The following LSAMP variants were observed in gnomAD, a reference collection of about 807,000 sequenced individuals.
LSAMP encodes limbic system associated membrane protein.
A neutral mutation model predicts 38.6 loss-of-function variants in LSAMP; 7 were observed. The ratio of observed to expected loss-of-function variants is 0.18; its 90% CI spans 0.10 to 0.34. The LOEUF (loss-of-function observed/expected upper bound fraction) is 0.34, where lower values mean the gene tolerates loss of function less well. LSAMP is among the 10% of genes least tolerant of loss of function. LSAMP has a pLI of 1.00. For missense variants in LSAMP, 313 were observed against 420.0 expected, an observed-to-expected ratio of 0.75 and a Z score of 2.23; for synonymous variants, 154 against 166.8, an observed-to-expected ratio of 0.92 and a Z score of 0.59.
intron 3 of LSAMP, among the ~76,000 whole-genome samples, chr3:116,000,644 G>A (rs1413410265): frequency 1.3e-5 from 2 of 152,180 alleles, no homozygotes; most frequent in Non-Finnish European, 2.9e-5. Context: ...ATAACACATG[G>A]AGAAGGGGAG....
rs142242507 is a variant in LSAMP, at chr3:115,998,975, A to G, written c.514+20540T>C. Among the ~76,000 whole-genome samples the G allele has an allele frequency of 2.2e-3, 340 of 152,322 alleles. 2 individuals carry two copies. The highest frequency in any genetic ancestry group is 7.4e-3 in the African/African-American group (308 of 41,576). On this transcript the variant is annotated intron_variant, in intron 3 of 6. Coordinates refer to ENST00000490035, the MANE Select transcript of LSAMP (RefSeq NM_002338.5). ...ATTGAAATTCCTCCAGGGAGGAAGAATGAAAGACCCATGGTATCAATTTAA... is the reference window on the plus strand; with the variant it reads ...ATTGAAATTCCTCCAGGGAGGAAGAGTGAAAGACCCATGGTATCAATTTAA...
chr3:116,411,627 G>A (rs1200729591), intron 1 of LSAMP, among the ~76,000 whole-genome samples: 2 of 120,526 alleles, frequency 1.7e-5, no homozygotes, highest in Non-Finnish European at 1.7e-5. Flanking sequence ...GGACTGTTGT[G>A]GGGTGGGGGG....
Position 115,939,570 on chromosome 3 carries a change from T to TTC in LSAMP, c.514+79943_514+79944dup, listed in dbSNP as rs149902097. On this transcript the variant is annotated intron_variant, in intron 3 of 6. Coordinates refer to ENST00000490035, the MANE Select transcript of LSAMP (RefSeq NM_002338.5). ...TTTCTTTCTTTCTTTCTTTCTTTCT[T>TTC]TCTTTCTTTCTTTCTGTTAAGAGAC... 2.5e-3 allele frequency among the ~76,000 whole-genome samples: 340 copies of TTC among 136,884 alleles called. 3 individuals carry two copies. Among genetic ancestry groups the TTC allele is most frequent in the East Asian group, 0.013 (58 of 4,362 alleles). 89.8% of individuals were successfully genotyped at this position (136,884 alleles called of 152,430 possible). A position where few individuals can be genotyped will look rare whatever the true frequency, so the allele number is the denominator to read the frequency against.
chr3:115,883,806 T>G (rs1936382559), intron 3 of LSAMP, among the ~76,000 whole-genome samples: 1 of 151,996 alleles, frequency 6.6e-6, no homozygotes, highest in Non-Finnish European at 1.5e-5. Flanking sequence ...TGAATCAGGA[T>G]TTGGCACAGA....
At chr3:116,376,835 C>G (rs1344169174) in intron 1 of LSAMP, among the ~76,000 whole-genome samples, 1 of 152,014 alleles carries the variant, frequency 6.6e-6, no homozygotes, top group East Asian at 1.9e-4. Flanking sequence ...AAATCAGAAT[C>G]TTGTTCAATA....
At chr3:116,237,647 C>T (rs1346574611) in intron 1 of LSAMP, among the ~76,000 whole-genome samples, 5 of 138,670 alleles carry the variant, frequency 3.6e-5, no homozygotes, top group African/African-American at 1.3e-4. Context: ...TGAGTCCTCG[C>T]CATAAACCTT....
chr3:116,442,233 C>T (rs780846229), intron 1 of LSAMP, among the ~76,000 whole-genome samples: 17 of 152,146 alleles, frequency 1.1e-4, no homozygotes, highest in Admixed American at 2.6e-4. Context: ...TGGGGACAGA[C>T]AGCCAAACTC....
At position 116,159,710 on chromosome 3, in the gene LSAMP, G is replaced by A. The variant is rs182023988; in HGVS notation, c.156-73154C>T. 1.7e-4 allele frequency among the ~76,000 whole-genome samples: 26 copies of A among 152,104 alleles called. No homozygotes were observed. In the East Asian group the frequency reaches 1.7e-3, roughly 10 times the overall value. ...GTTTGGTGATTTTTCAAATAACTTA[G>A]ATCTACCATTATTGGATATACACAT... On this transcript the variant is annotated intron_variant, in intron 1 of 6. Coordinates refer to ENST00000490035, the MANE Select transcript of LSAMP (RefSeq NM_002338.5).
intron 6 of LSAMP, among the ~76,000 whole-genome samples, chr3:115,834,207 A>T (rs1934709441): frequency 6.6e-6 from 1 of 152,168 alleles, no homozygotes; most frequent in Non-Finnish European, 1.5e-5. Flanking sequence ...GTAGTCAGTC[A>T]GAGAATTGGT....
rs1941263143 is a variant in LSAMP at position 116,045,156 on chromosome 3, A to C, written c.389-25516T>G. On this transcript the variant is annotated intron_variant, in intron 2 of 6. Coordinates refer to ENST00000490035, the MANE Select transcript of LSAMP (RefSeq NM_002338.5). The stretch of plus-strand genomic sequence containing the variant: ...ATAAAGACAGTTATTGAAAATGTTC[A>C]AAAGGATCGTCTAACCTAAGCAAGA... Among the ~76,000 whole-genome samples the C allele has an allele frequency of 3.3e-5, 5 of 152,242 alleles. No homozygotes were observed. The South Asian group carries it at 1.0e-3, about 31-fold the overall frequency.
intron 2 of LSAMP, among the ~76,000 whole-genome samples, chr3:116,076,223 A>G (rs1707738826): frequency 2.6e-5 from 4 of 152,036 alleles, no homozygotes; most frequent in Admixed American, 2.6e-4. Flanking sequence ...GTAGTTTTCT[A>G]GCTGTAGAAG....
At chr3:116,279,163 A>G (rs2047093852) in intron 1 of LSAMP, among the ~76,000 whole-genome samples, 1 of 152,204 alleles carries the variant, frequency 6.6e-6, no homozygotes, top group South Asian at 2.1e-4. Context: ...GTCCCTGGGA[A>G]AGAGAGGGAC....
intron 1 of LSAMP, among the ~76,000 whole-genome samples, chr3:116,238,717 C>T (rs1264630520): frequency 6.6e-6 from 1 of 152,122 alleles, no homozygotes; most frequent in Non-Finnish European, 1.5e-5. Context: ...CCATAAGATT[C>T]CAGTCCATCT....
chr3:115,862,687 G>A (rs763897484), intron 3 of LSAMP, among the ~76,000 whole-genome samples: 9 of 152,212 alleles, frequency 5.9e-5, no homozygotes, highest in Non-Finnish European at 1.3e-4. Flanking sequence ...AAGGTGGGTA[G>A]CTCAGGGGTC....
chr3:116,276,336 C>T (rs115395352), intron 1 of LSAMP, among the ~76,000 whole-genome samples: 1,762 of 152,172 alleles, frequency 0.012, 28 homozygotes, highest in African/African-American at 0.037. Flanking sequence ...ACATTCAGAA[C>T]GTATAGATTG....
At chr3:116,018,879 G>A (rs918920429) in intron 3 of LSAMP, among the ~76,000 whole-genome samples, 2 of 152,138 alleles carry the variant, frequency 1.3e-5, no homozygotes, top group Non-Finnish European at 2.9e-5. Context: ...GACTCATAAT[G>A]AGTTCATGCA....
chr3:115,846,742 A>G (rs1335978049), intron 4 of LSAMP, among the ~76,000 whole-genome samples: 1 of 152,184 alleles, frequency 6.6e-6, no homozygotes, highest in East Asian at 1.9e-4. Flanking sequence ...TTGGAGAACA[A>G]TGAATTGCTA....
At chr3:116,026,206 C>A (rs1351478931) in intron 2 of LSAMP, among the ~76,000 whole-genome samples, 1 of 152,124 alleles carries the variant, frequency 6.6e-6, no homozygotes, top group Admixed American at 6.6e-5. Context: ...TAAGTAAGAT[C>A]ATGACACAGT....
intron 1 of LSAMP, among the ~76,000 whole-genome samples, chr3:116,409,080 C>T (rs2048936680): frequency 6.6e-6 from 1 of 151,936 alleles, no homozygotes; most frequent in South Asian, 2.1e-4. Flanking sequence ...GTTGGGAGTG[C>T]TAAAAAGTGT....
Sources: gnomAD v4.1 joint callset for allele counts (sites outside exome capture counted in the v4.1 genomes callset) on GRCh38, gnomAD v4.1.1 for gene constraint, MANE v1.5 for transcripts, NCBI Gene and HGNC (gene_info 2026-07-23, HGNC 2026-07-21) for gene names.